The following SLC4A10 variants were observed in gnomAD, a reference collection of about 807,000 sequenced individuals.
SLC4A10 encodes the protein solute carrier family 4 member 10.
Under a neutral mutation model 137.7 loss-of-function variants are expected in SLC4A10, and 42 were observed. The observed-to-expected ratio is 0.30, with a 90% CI of 0.24 to 0.39. SLC4A10 has a LOEUF of 0.39. SLC4A10 is among the 10% of genes least tolerant of loss of function. SLC4A10 has a pLI of 1.00. For missense variants in SLC4A10, 925 were observed against 1,355.0 expected, an observed-to-expected ratio of 0.68 and a Z score of 4.98; for synonymous variants, 474 against 464.1, an observed-to-expected ratio of 1.02 and a Z score of -0.27.
chr2:161,935,874 G>T (rs965237061), intron 15 of SLC4A10, among the ~76,000 whole-genome samples: 15 of 152,226 alleles, frequency 9.9e-5, no homozygotes, highest in Admixed American at 3.3e-4. Context: ...TGATCTTGCA[G>T]GAAAACCTTT....
chr2:161,937,859 G>GT (rs1691865755), intron 15 of SLC4A10, among the ~76,000 whole-genome samples: 1 of 151,982 alleles, frequency 6.6e-6, no homozygotes, highest in Non-Finnish European at 1.5e-5. Flanking sequence ...GAAGGTTACC[G>GT]TACCTTAAGG....
intron 1 of SLC4A10, among the ~76,000 whole-genome samples, chr2:161,758,061 CTCTTCTATA>C (rs2049859751): frequency 6.6e-6 from 1 of 151,608 alleles, no homozygotes; most frequent in Non-Finnish European, 1.5e-5. Flanking sequence ...TTTTTATTTC[CTCTTCTATA>C]TCTTTTGAAA....
In SLC4A10 at chr2:161,796,053, A is replaced by T. The variant is rs1449053370; in HGVS notation, c.131-8396A>T. On this transcript the variant is annotated intron_variant, in intron 2 of 26. Transcript: ENST00000446997. ...TTCTTGGTTCTTAATTTGCCTGCCCATTGAGATATTGGTCATAAGTTAACA... is the reference window on the plus strand; with the variant it reads ...TTCTTGGTTCTTAATTTGCCTGCCCTTTGAGATATTGGTCATAAGTTAACA... 1.3e-5 allele frequency among the ~76,000 whole-genome samples: 2 copies of T among 152,102 alleles called. 1 individual carries two copies. The highest frequency in any genetic ancestry group is 1.3e-4 in the Admixed American group (2 of 15,256).
intron 21 of SLC4A10, among the ~76,000 whole-genome samples, chr2:161,960,412 C>A (rs1235343375): frequency 3.5e-5 from 5 of 143,378 alleles, no homozygotes; most frequent in East Asian, 4.1e-4. Flanking sequence ...CAGAGAGACA[C>A]AGGACAGGGA....
At chr2:161,751,140 C>A (rs191162183) in intron 1 of SLC4A10, among the ~76,000 whole-genome samples, 3 of 151,628 alleles carry the variant, frequency 2.0e-5, no homozygotes, top group Admixed American at 6.6e-5. Flanking sequence ...AGACAGCATG[C>A]GGTTGGATCT....
chr2:161,980,846 G>T (rs1176492680), intron 26 of SLC4A10, among the ~76,000 whole-genome samples: 1 of 152,124 alleles, frequency 6.6e-6, no homozygotes, highest in Non-Finnish European at 1.5e-5. Context: ...GCATATAATA[G>T]ATATGCAACA....
intron 23 of SLC4A10, among the ~76,000 whole-genome samples, chr2:161,973,286 T>A (rs1358122298): frequency 6.6e-6 from 1 of 152,218 alleles, no homozygotes; most frequent in African/African-American, 2.4e-5. Flanking sequence ...GACCCATTTT[T>A]AAATAAATGT....
chr2:161,821,421 G>T (rs975849800), intron 3 of SLC4A10, among the ~76,000 whole-genome samples: 3 of 152,176 alleles, frequency 2.0e-5, no homozygotes, highest in Middle Eastern at 3.4e-3. Flanking sequence ...GGTTTCAGTG[G>T]CTATCATAAA....
chr2:161,627,428 A>T (rs1343613960), intron 1 of SLC4A10, among the ~76,000 whole-genome samples: 1 of 152,128 alleles, frequency 6.6e-6, no homozygotes, highest in Admixed American at 6.6e-5. Flanking sequence ...AAGCAGTCAG[A>T]GGTAGAAAGA....
chr2:161,755,326 G>A (rs1333505367), intron 1 of SLC4A10, among the ~76,000 whole-genome samples: 2 of 152,164 alleles, frequency 1.3e-5, no homozygotes, highest in East Asian at 3.8e-4. Context: ...TCCAAACTGA[G>A]ATTAATTTCT....
intron 16 of SLC4A10, 72 bp downstream of exon 16, chr2:161,942,969 A>G (rs1575764734): frequency 8.0e-7 from 1 of 1,252,960 alleles, no homozygotes; most frequent in South Asian, 1.3e-5. Context: ...TATTGCCATT[A>G]CAGTAAAATT....
rs553581326 is a variant in SLC4A10, at chr2:161,869,806, C to T, written c.767-2487C>T. 1.1e-4 allele frequency among the ~76,000 whole-genome samples: 17 copies of T among 151,608 alleles called. No homozygotes were observed. The East Asian group carries it at 2.7e-3, about 24-fold the overall frequency. On this transcript the variant is annotated intron_variant, in intron 6 of 26. Transcript: ENST00000446997. ...AAATATATTTAATTATGAATATTAACGCCTATCATTTAACTACTGCTCTGA... is the reference window on the plus strand; with the variant it reads ...AAATATATTTAATTATGAATATTAATGCCTATCATTTAACTACTGCTCTGA...
intron 21 of SLC4A10, among the ~76,000 whole-genome samples, chr2:161,963,067 G>A (rs1204160100): frequency 2.0e-5 from 3 of 151,826 alleles, no homozygotes; most frequent in Non-Finnish European, 2.9e-5. Context: ...GCCTCTAGTT[G>A]GAAACACTGA....
intron 1 of SLC4A10, among the ~76,000 whole-genome samples, chr2:161,752,700 G>T (rs1161911244): frequency 6.6e-6 from 1 of 152,092 alleles, no homozygotes; most frequent in Non-Finnish European, 1.5e-5. Flanking sequence ...TATGTTAAGT[G>T]AACTAAGCAA....
At chr2:161,886,414 A>G (rs16846177) in intron 10 of SLC4A10, among the ~76,000 whole-genome samples, 3,611 of 152,226 alleles carry the variant, frequency 0.024, 151 homozygotes, top group African/African-American at 0.083. Context: ...TGTTGGTTCA[A>G]TCTGAATCTT....
intron 26 of SLC4A10, among the ~76,000 whole-genome samples, chr2:161,978,384 C>CAAAAAAAAAAAAAAAAAAAA (rs61399867): frequency 1.1e-5 from 1 of 90,452 alleles, no homozygotes; most frequent in African/African-American, 4.4e-5. Flanking sequence ...GAGACTCTGT[C>CAAAAAAAAAAAAAAAAAAAA]AAAAAAAAAA....
In SLC4A10 at chr2:161,768,910, G is replaced by C. The variant is rs185420246; in HGVS notation, c.49-2063G>C. ...ACCCACAGAGGAAAGAGACCATAGA[G>C]CTCTTCAAGGATGCTAGGGTTCCTA... On this transcript the variant is annotated intron_variant, in intron 1 of 26. Transcript: ENST00000446997. 6.6e-4 allele frequency among the ~76,000 whole-genome samples: 101 copies of C among 152,020 alleles called. 1 individual carries two copies. The highest frequency in any genetic ancestry group is 2.3e-3 in the African/African-American group (96 of 41,522).
At chr2:161,691,201 AGAAAGTT>A (rs2041960378) in intron 1 of SLC4A10, among the ~76,000 whole-genome samples, 1 of 151,970 alleles carries the variant, frequency 6.6e-6, no homozygotes, top group South Asian at 2.1e-4. Context: ...TGTATTCCCT[AGAAAGTT>A]TTGGATTTTA....
At chr2:161,772,851 G>T (rs2051823284) in intron 2 of SLC4A10, among the ~76,000 whole-genome samples, 1 of 151,856 alleles carries the variant, frequency 6.6e-6, no homozygotes, top group South Asian at 2.1e-4. Flanking sequence ...CTGTTGTGAT[G>T]CATGCAAAAA....
Sources: allele counts gnomAD v4.1 joint callset (sites outside exome capture counted in the v4.1 genomes callset), GRCh38; gene constraint gnomAD v4.1.1; transcripts MANE v1.5; gene names NCBI Gene and HGNC (gene_info 2026-07-23, HGNC 2026-07-21).